Variants in DRC1 observed in about 807,000 individuals in gnomAD.
DRC1 encodes the protein dynein regulatory complex subunit 1.
In DRC1, 74 loss-of-function variants were observed where a neutral mutation model predicts 98.7. That is an observed-to-expected ratio of 0.75 (90% confidence interval 0.62 to 0.91). The LOEUF (loss-of-function observed/expected upper bound fraction) is 0.91. Ranked by LOEUF, DRC1 falls within the 40% of genes least tolerant of loss-of-function variation. DRC1 has a pLI of 0.00. For synonymous variants in DRC1, 336 were observed against 334.1 expected (o/e 1.01, Z -0.06); for missense variants, 875 against 886.0 (o/e 0.99, Z 0.16).
intron 2 of DRC1, among the ~76,000 whole-genome samples, chr2:26,415,682 A>C (rs1271990034): frequency 6.6e-6 from 1 of 152,184 alleles, no homozygotes; most frequent in African/African-American, 2.4e-5. Flanking sequence ...CTATGATCCC[A>C]GGACTTTGGG....
Position 26,440,506 on chromosome 2 carries a change from G to C in DRC1, c.1017G>C (p.Arg339Ser), listed in dbSNP as rs1294813203. The C allele has an allele frequency of 6.2e-7, 1 of 1,610,308 alleles. No homozygotes were observed. The highest frequency in any genetic ancestry group is 1.3e-5 in the African/African-American group (1 of 74,838). ...CAGTAATTAAATCCCAGCAGAAGAG[G>C]AAGATCAATCGGTAAGCTAGCATGC... is the stretch of plus-strand genomic sequence containing the variant. The part of the protein sequence containing the change: ...ESTVIKSQQK[R>S]KINRLHDILN... The change falls in exon 8 of 17, where the codon AGG becomes AGC. Residue 339 changes from arginine (R) to serine (S), a missense_variant. Arg to Ser is a moderately radical substitution (Grantham distance 110). Transcript: ENST00000288710.
chr2:26,425,263 T>C (rs1171506420), intron 4 of DRC1, among the ~76,000 whole-genome samples: 2 of 152,242 alleles, frequency 1.3e-5, no homozygotes, highest in African/African-American at 2.4e-5. Flanking sequence ...CCTTCCTTTT[T>C]AAGGCTGCGT....
intron 7 of DRC1, among the ~76,000 whole-genome samples, chr2:26,432,330 C>G (rs940436622): frequency 6.6e-6 from 1 of 151,786 alleles, no homozygotes; most frequent in Non-Finnish European, 1.5e-5. Context: ...AACTGTGTCT[C>G]GGCAAAAAAT....
intron 1 of DRC1, among the ~76,000 whole-genome samples, chr2:26,410,245 ATATTATTAT>A (rs10573963): frequency 0.015 from 2,173 of 142,982 alleles, 39 homozygotes; most frequent in Middle Eastern, 0.065. Flanking sequence ...TATAGAGAAA[ATATTATTAT>A]TATTATTATT....
chr2:26,445,035 G>C, intron 10 of DRC1, 87 bp downstream of exon 10: 7 of 1,332,956 alleles, frequency 5.3e-6, no homozygotes, highest in Non-Finnish European at 7.2e-6. Flanking sequence ...AGATAGTCTA[G>C]GGAGGAGGGG....
At chr2:26,426,724 A>G (rs1163738365) in intron 4 of DRC1, among the ~76,000 whole-genome samples, 2 of 152,118 alleles carry the variant, frequency 1.3e-5, no homozygotes, top group Non-Finnish European at 2.9e-5. Flanking sequence ...TTTTCTCAAG[A>G]CTATTTTGGC....
intron 1 of DRC1, among the ~76,000 whole-genome samples, chr2:26,409,372 C>T (rs1284596017): frequency 6.6e-6 from 1 of 152,152 alleles, no homozygotes; most frequent in Non-Finnish European, 1.5e-5. Context: ...TCCTTATTTT[C>T]TCTAAATTCT....
intron 1 of DRC1, among the ~76,000 whole-genome samples, chr2:26,408,974 C>T (rs116703846): frequency 0.02 from 3,104 of 152,018 alleles, 51 homozygotes; most frequent in East Asian, 0.063. Flanking sequence ...ACTCCATTGC[C>T]CAGGCTGGAG....
intron 1 of DRC1, among the ~76,000 whole-genome samples, chr2:26,404,195 C>A (rs1001436648): frequency 6.6e-6 from 1 of 152,102 alleles, no homozygotes; most frequent in Non-Finnish European, 1.5e-5. Flanking sequence ...TTTGCCAGTG[C>A]TGAAGTAATG....
intron 12 of DRC1, 27 bp from the exon 13 acceptor site, chr2:26,450,565 G>T: frequency 6.2e-7 from 1 of 1,605,640 alleles, no homozygotes; most frequent in South Asian, 1.1e-5. Context: ...TGGGGTGTTT[G>T]AGCAACCATC....
chr2:26,409,098 A>ATT (rs748498967), intron 1 of DRC1, among the ~76,000 whole-genome samples: 7 of 141,818 alleles, frequency 4.9e-5, no homozygotes, highest in Non-Finnish European at 7.8e-5. Context: ...TGCCCGGCTA[A>ATT]TTTTTTTTTT....
rs1257446687 is a variant in DRC1, at chr2:26,450,635, A to T, written c.1643A>T (p.Asn548Ile). Residue 548 changes from asparagine (N) to isoleucine (I), a missense_variant, in exon 13 of 17, where the codon AAC (asparagine) becomes ATC (isoleucine). By Grantham distance (149) the Asn-to-Ile change is moderately radical. Transcript: ENST00000288710. ...GAGGATGACTTGTATAAACTGGTGA[A>T]CTTCTTCCTTAAATATCGAGCTCAC... is the stretch of plus-strand genomic sequence containing the variant. ...ESEDDLYKLV[N>I]FFLKYRAHRL... The T allele has an allele frequency of 5.0e-6, 8 of 1,611,040 alleles. No individual in the cohort carries two copies. The highest frequency in any genetic ancestry group is 6.8e-6 in the Non-Finnish European group (8 of 1,178,596).
intron 10 of DRC1, among the ~76,000 whole-genome samples, chr2:26,448,044 GC>G (rs1356930983): frequency 1.3e-5 from 2 of 150,262 alleles, no homozygotes; most frequent in African/African-American, 4.9e-5. Context: ...GGCCAATGTG[GC>G]AAAACCCCAT....
At chr2:26,441,582 G>A (rs1663718818) in intron 8 of DRC1, among the ~76,000 whole-genome samples, 2 of 152,126 alleles carry the variant, frequency 1.3e-5, no homozygotes, top group Non-Finnish European at 2.9e-5. Flanking sequence ...TGAAATACTG[G>A]AGGGGGTGGG....
intron 4 of DRC1, among the ~76,000 whole-genome samples, chr2:26,429,210 A>G (rs1430410682): frequency 6.8e-6 from 1 of 147,770 alleles, no homozygotes; most frequent in East Asian, 2.0e-4. Flanking sequence ...TATTATTATT[A>G]TTATTATTAT....
intron 16 of DRC1, 125 bp from the exon 17 acceptor site, chr2:26,456,336 C>A: frequency 8.4e-7 from 1 of 1,184,312 alleles, no homozygotes; most frequent in Non-Finnish European, 1.2e-6. Context: ...CAGCATCTCT[C>A]AGCTTTGGAG....
intron 8 of DRC1, among the ~76,000 whole-genome samples, chr2:26,441,843 TC>T (rs150890984): frequency 0.014 from 2,081 of 152,320 alleles, 45 homozygotes; most frequent in African/African-American, 0.04. Context: ...GAAAAACCCT[TC>T]AACGGACCCT....
At chr2:26,404,709 A>G (rs1021075435) in intron 1 of DRC1, among the ~76,000 whole-genome samples, 1 of 152,152 alleles carries the variant, frequency 6.6e-6, no homozygotes, top group Admixed American at 6.5e-5. Flanking sequence ...CTTCCCCACT[A>G]TGGTAGCTCT....
At position 26,455,142 on chromosome 2, in the gene DRC1, C is replaced by G. The variant is rs201260214; in HGVS notation, c.2075C>G (p.Thr692Ser). Reference protein sequence around the residue: ...TALEKYHLVLTQRAKLLLENS... With the variant: ...TALEKYHLVLSQRAKLLLENS... ...TTTTCTGTCCAAAGCCTTGTCCTGA[C>G]CCAGAGGGCCAAGCTGCTGCTGGAA... is the stretch of plus-strand genomic sequence containing the variant. The change falls in exon 16 of 17, where the codon ACC (threonine) becomes AGC (serine). Residue 692 changes from threonine (T) to serine (S), a missense_variant. Coordinates refer to ENST00000288710, the MANE Select transcript of DRC1 (RefSeq NM_145038.5). The G allele has an allele frequency of 4.5e-4, 721 of 1,614,048 alleles. 1 individual carries two copies. The highest frequency in any genetic ancestry group is 4.9e-4 in the Non-Finnish European group (577 of 1,180,016).
Sources: allele counts gnomAD v4.1 joint callset (sites outside exome capture counted in the v4.1 genomes callset), GRCh38; gene constraint gnomAD v4.1.1; transcripts MANE v1.5; gene names NCBI Gene and HGNC (gene_info 2026-07-23, HGNC 2026-07-21).